PLCG2: variants seen among roughly 807,000 people sequenced by gnomAD.
PLCG2 encodes 1-phosphatidylinositol 4,5-bisphosphate phosphodiesterase gamma-2.
Under a neutral mutation model 175.6 loss-of-function variants are expected in PLCG2, and 69 were observed. The ratio of observed to expected loss-of-function variants is 0.39; its 90% CI spans 0.32 to 0.48. The LOEUF (loss-of-function observed/expected upper bound fraction) is 0.48, where lower values mean the gene tolerates loss of function less well. Among genes scored for constraint, PLCG2 ranks in the 20% least tolerant of loss-of-function variants. The pLI is 0.91. For missense variants in PLCG2, 1,798 were observed against 1,650.9 expected, an observed-to-expected ratio of 1.09 and a Z score of -1.54; for synonymous variants, 827 against 624.0, an observed-to-expected ratio of 1.33 and a Z score of -4.85.
At chr16:81,923,439 C>T in intron 21 of PLCG2, 46 bp from the exon 22 acceptor site, 7 of 1,224,938 alleles carry the variant, frequency 5.7e-6, no homozygotes, top group Non-Finnish European at 8.4e-6. Flanking sequence ...GCCTCCCTCC[C>T]CTCCTGTCCC....
At chr16:81,817,716 A>G (rs918278853) in intron 2 of PLCG2, among the ~76,000 whole-genome samples, 2 of 152,166 alleles carry the variant, frequency 1.3e-5, no homozygotes, top group Non-Finnish European at 2.9e-5. Context: ...AAACTCCCAG[A>G]CTCAAGCGAC....
intron 7 of PLCG2, among the ~76,000 whole-genome samples, chr16:81,873,161 C>A (rs12716922): frequency 0.55 from 83,068 of 152,100 alleles, 23,431 homozygotes; most frequent in Middle Eastern, 0.62. Flanking sequence ...ATTCTAGACC[C>A]ACTTGACCTC....
chr16:81,854,544 C>A lies in PLCG2; in HGVS notation c.294C>A (p.Ile98=), dbSNP rs1439221539. The A allele has an allele frequency of 1.2e-6, 2 of 1,614,002 alleles. No individual in the cohort carries two copies. The highest frequency in any genetic ancestry group is 1.7e-6 in the Non-Finnish European group (2 of 1,179,834). The change falls in exon 3 of 33, where the codon ATC becomes ATA. Residue 98 remains isoleucine (I), a synonymous_variant. Transcript: ENST00000564138. The part of the protein sequence containing the change: ...VRQKEDCCFT[I]LYGTQFVLST... ...AGAAAGAAGACTGCTGCTTCACCAT[C>A]CTATATGGCACTCAGTTCGTCCTCA...
intron 2 of PLCG2, among the ~76,000 whole-genome samples, chr16:81,815,082 T>C (rs1465669646): frequency 6.6e-6 from 1 of 152,214 alleles, no homozygotes; most frequent in Non-Finnish European, 1.5e-5. Flanking sequence ...CTTTTAAACA[T>C]TTCCTTTTTT....
intron 15 of PLCG2, among the ~76,000 whole-genome samples, chr16:81,906,933 G>A (rs1909395575): frequency 1.3e-5 from 2 of 151,720 alleles, no homozygotes; most frequent in African/African-American, 4.8e-5. Context: ...AGCTACTCAG[G>A]AGGCTGAGGC....
chr16:81,878,564 C>T (rs1363776444), intron 7 of PLCG2, among the ~76,000 whole-genome samples: 3 of 152,204 alleles, frequency 2.0e-5, no homozygotes, highest in Non-Finnish European at 4.4e-5. Context: ...AAGTAACCTA[C>T]TCCAAGAGCT....
intron 2 of PLCG2, among the ~76,000 whole-genome samples, chr16:81,853,379 G>C (rs1221193877): frequency 6.6e-6 from 1 of 151,962 alleles, no homozygotes; most frequent in Non-Finnish European, 1.5e-5. Context: ...CCCTGAACTG[G>C]TACAGCATCA....
chr16:81,935,259 T>C (rs1167685440), intron 26 of PLCG2, among the ~76,000 whole-genome samples: 1 of 152,186 alleles, frequency 6.6e-6, no homozygotes, highest in African/African-American at 2.4e-5. Flanking sequence ...TCTCCTCTTC[T>C]GCTTCCCTAT....
chr16:81,854,474 C>G lies in PLCG2; in HGVS notation c.224C>G (p.Pro75Arg), dbSNP rs1440269630. 6.2e-7 allele frequency: 1 copy of G among 1,614,040 alleles called. No individual in the cohort carries two copies. The highest frequency in any genetic ancestry group is 1.3e-5 in the African/African-American group (1 of 75,040). The change falls in exon 3 of 33, where the codon CCA becomes CGA. Residue 75 changes from proline to arginine, a missense_variant. Coordinates refer to ENST00000564138, the MANE Select transcript of PLCG2 (RefSeq NM_002661.5). ...ATCATGGAAATAAAAGAAATCCGCC[C>G]AGGGAAGAACTCCAAAGATTTCGAG... ...LDIMEIKEIR[P>R]GKNSKDFERA... is the part of the protein sequence containing the mutation.
At chr16:81,860,207 C>A (rs1024079213) in intron 5 of PLCG2, among the ~76,000 whole-genome samples, 4 of 139,738 alleles carry the variant, frequency 2.9e-5, no homozygotes, top group Non-Finnish European at 6.2e-5. Context: ...AAGTCTTACC[C>A]AGACATTTTT....
At chr16:81,898,277 A>G (rs1908986043) in intron 13 of PLCG2, 1 of 153,164 alleles carries the variant, frequency 6.5e-6, no homozygotes, top group Admixed American at 6.5e-5. Context: ...TTTGGCAGCA[A>G]AAGCCATCCT....
At chr16:81,850,743 A>AG (rs1319986343) in intron 2 of PLCG2, among the ~76,000 whole-genome samples, 3 of 152,192 alleles carry the variant, frequency 2.0e-5, no homozygotes, top group Non-Finnish European at 4.4e-5. Context: ...AACAGCATAG[A>AG]GAGCTTCTTC....
chr16:81,879,092 C>T (rs947148706), intron 7 of PLCG2, among the ~76,000 whole-genome samples: 10 of 151,972 alleles, frequency 6.6e-5, no homozygotes, highest in African/African-American at 2.2e-4. Context: ...GAATGCGGTG[C>T]GGGCTTTTTC....
chr16:81,893,678 C>G, intron 11 of PLCG2, 31 bp from the exon 12 acceptor site: 3 of 1,463,446 alleles, frequency 2.0e-6, no homozygotes, highest in Non-Finnish European at 2.9e-6. Context: ...GGCTGCCACT[C>G]TCACACGGCC....
intron 15 of PLCG2, among the ~76,000 whole-genome samples, chr16:81,907,273 A>T (rs1320622131): frequency 6.6e-6 from 1 of 152,154 alleles, no homozygotes; most frequent in East Asian, 1.9e-4. Context: ...CTGGTACTTT[A>T]CAATAAAACC....
At chr16:81,888,370 C>A (rs866896687) in intron 9 of PLCG2, among the ~76,000 whole-genome samples, 1 of 145,472 alleles carries the variant, frequency 6.9e-6, no homozygotes, top group South Asian at 2.3e-4. Context: ...GCCACCACGC[C>A]AAGCTGATTT....
At position 81,956,725 on chromosome 16, in the gene PLCG2, C is replaced by T. The variant is rs761018891; in HGVS notation, c.3601C>T (p.Arg1201Cys). ...ESEEELYSSC[R>C]QLRRRQEELN... is the part of the protein sequence containing the mutation. ...CGAAGAGGAACTTTACTCCTCCTGT[C>T]GCCAGCTGAGGAGGCGGCAAGAAGA... The change falls in exon 32 of 33, where the codon CGC (arginine) becomes TGC (cysteine). Residue 1201 changes from arginine (R) to cysteine (C), a missense_variant. By Grantham distance (180) the Arg-to-Cys change is radical. Coordinates refer to ENST00000564138, the MANE Select transcript of PLCG2 (RefSeq NM_002661.5). 9.3e-6 allele frequency: 15 copies of T among 1,613,948 alleles called. No homozygotes were observed. The highest frequency in any genetic ancestry group is 2.2e-5 in the East Asian group (1 of 44,892).
chr16:81,836,236 C>T (rs1037089091), intron 2 of PLCG2, among the ~76,000 whole-genome samples: 3 of 152,122 alleles, frequency 2.0e-5, no homozygotes, highest in African/African-American at 4.8e-5. Flanking sequence ...GAAACTGAGG[C>T]CCAGGGAGGT....
At chr16:81,955,409 A>G (rs1442358391) in intron 31 of PLCG2, among the ~76,000 whole-genome samples, 11 of 152,202 alleles carry the variant, frequency 7.2e-5, no homozygotes, top group Admixed American at 7.2e-4. Flanking sequence ...TGCAAAGCCA[A>G]GCTTCACAGA....
Sources: gnomAD v4.1 joint callset for allele counts (sites outside exome capture counted in the v4.1 genomes callset) on GRCh38, gnomAD v4.1.1 for gene constraint, MANE v1.5 for transcripts, NCBI Gene and HGNC (gene_info 2026-07-23, HGNC 2026-07-21) for gene names.